Variants in CSMD1 observed in about 807,000 individuals in gnomAD.
CSMD1 encodes CUB and sushi domain-containing protein 1.
In CSMD1, 213 loss-of-function variants were observed where a neutral mutation model predicts 417.5. That is an observed-to-expected ratio of 0.51 (90% CI 0.46 to 0.57). The LOEUF (loss-of-function observed/expected upper bound fraction) is 0.57. Ranked by LOEUF, CSMD1 falls within the 20% of genes least tolerant of loss-of-function variation. CSMD1 has a pLI of 0.00. For missense variants in CSMD1, 6,923 were observed against 4,529.7 expected, an observed-to-expected ratio of 1.53 and a Z score of -15.17; for synonymous variants, 2,862 against 1,736.8, an observed-to-expected ratio of 1.65 and a Z score of -16.11.
At chr8:4,333,323 C>G (rs942686133) in intron 3 of CSMD1, among the ~76,000 whole-genome samples, 1 of 152,042 alleles carries the variant, frequency 6.6e-6, no homozygotes, top group African/African-American at 2.4e-5. Flanking sequence ...ACATCTAGAT[C>G]CGAGAGAGAT....
intron 1 of CSMD1, among the ~76,000 whole-genome samples, chr8:4,720,218 T>C (rs1739106291): frequency 6.6e-6 from 1 of 151,660 alleles, no homozygotes; most frequent in Non-Finnish European, 1.5e-5. Context: ...CCTTGATGTT[T>C]CTTAGTAATA....
chr8:4,236,026 G>GCC (rs1420352173), intron 3 of CSMD1, among the ~76,000 whole-genome samples: 1 of 108,086 alleles, frequency 9.3e-6, no homozygotes, highest in Non-Finnish European at 1.8e-5. Flanking sequence ...AATGGATATT[G>GCC]TTTTTTTTGT....
At chr8:3,438,356 A>C (rs1814710581) in intron 12 of CSMD1, among the ~76,000 whole-genome samples, 2 of 152,176 alleles carry the variant, frequency 1.3e-5, no homozygotes, top group Admixed American at 1.3e-4. Context: ...GAAACAGGTG[A>C]GATACAGAAC....
At position 2,978,762 on chromosome 8, in the gene CSMD1, T is replaced by G; in HGVS notation, c.8416A>C (p.Ile2806Leu). 6.2e-7 allele frequency: 1 copy of G among 1,613,522 alleles called. No homozygotes were observed. Among genetic ancestry groups the G allele is most frequent in the Non-Finnish European group, 8.5e-7 (1 of 1,179,722 alleles). Residue 2806 changes from isoleucine to leucine, a missense_variant, in exon 55 of 70, where the codon ATT becomes CTT. Ile to Leu is a conservative substitution (Grantham distance 5, BLOSUM62 2). Transcript: ENST00000635120. ...CSDPGFVENA[I>L]RHGQQNFPES... ...GGGAAGTTCTGTTGCCCGTGACGAA[T>G]GGCATTTTCCACAAAGCCTGGATCA...
intron 3 of CSMD1, among the ~76,000 whole-genome samples, chr8:4,215,843 C>G (rs540988761): frequency 6.6e-6 from 1 of 152,074 alleles, no homozygotes; most frequent in Non-Finnish European, 1.5e-5. Context: ...ATGGAAAAGG[C>G]AGGGTTTATG....
At chr8:2,959,284 T>A (rs1245886472) in intron 62 of CSMD1, among the ~76,000 whole-genome samples, 1 of 152,154 alleles carries the variant, frequency 6.6e-6, no homozygotes, top group Non-Finnish European at 1.5e-5. Flanking sequence ...TTTGTATTCT[T>A]TGTAGAAATA....
rs993277259 is a variant in CSMD1, at chr8:4,679,622, T to C, written c.86-42064A>G. Among the ~76,000 whole-genome samples the C allele has an allele frequency of 7.2e-5, 11 of 152,284 alleles. No homozygotes were observed. The East Asian group carries it at 1.4e-3, about 19-fold the overall frequency. On this transcript the variant is annotated intron_variant, in intron 1 of 69. Transcript: ENST00000635120. Reference sequence around the variant, plus strand: ...AATCATCGTCCTTCTTTAATGATAATGTATCTACAAAAGATAATATCTTAC... The same window carrying C: ...AATCATCGTCCTTCTTTAATGATAACGTATCTACAAAAGATAATATCTTAC...
intron 1 of CSMD1, among the ~76,000 whole-genome samples, chr8:4,911,467 T>A (rs11784471): frequency 0.26 from 38,863 of 152,108 alleles, 5,552 homozygotes; most frequent in East Asian, 0.52. Flanking sequence ...TTCCATAGGA[T>A]GTGATTAAGG....
At chr8:4,816,180 C>A (rs1261309894) in intron 1 of CSMD1, among the ~76,000 whole-genome samples, 1 of 148,678 alleles carries the variant, frequency 6.7e-6, no homozygotes, top group Non-Finnish European at 1.5e-5. Flanking sequence ...CACTAAATCA[C>A]ACTTGTTATT....
rs539259875 is a variant in CSMD1 at position 4,986,134 on chromosome 8, A to G, written c.85+8198T>C. Among the ~76,000 whole-genome samples, 6 of 152,356 alleles carry G rather than the reference A, an allele frequency of 3.9e-5. No homozygotes were observed. The South Asian group carries it at 6.2e-4, about 16-fold the overall frequency. On this transcript the variant is annotated intron_variant, in intron 1 of 69. Transcript: ENST00000635120. ...AATTGTTGATGGACTTTGAACATTC[A>G]TAAGGCCCATCCTTTGAGATAAAAG...
At chr8:4,026,748 G>A (rs753760944) in intron 4 of CSMD1, among the ~76,000 whole-genome samples, 2 of 152,192 alleles carry the variant, frequency 1.3e-5, no homozygotes, top group Non-Finnish European at 2.9e-5. Flanking sequence ...ACTGTAATAA[G>A]GGGTTGTAAT....
At chr8:3,489,593 C>G (rs1406269065) in intron 11 of CSMD1, among the ~76,000 whole-genome samples, 3 of 152,142 alleles carry the variant, frequency 2.0e-5, no homozygotes, top group Non-Finnish European at 2.9e-5. Context: ...TTCTTTTAAG[C>G]CTGACATTCT....
At chr8:4,560,392 C>A (rs561006276) in intron 2 of CSMD1, among the ~76,000 whole-genome samples, 3 of 152,276 alleles carry the variant, frequency 2.0e-5, no homozygotes, top group African/African-American at 4.8e-5. Flanking sequence ...TGTTCCTAGT[C>A]CTTGCCTTTT....
chr8:3,931,579 G>C (rs1039731086), intron 5 of CSMD1, among the ~76,000 whole-genome samples: 1 of 150,154 alleles, frequency 6.7e-6, no homozygotes, highest in East Asian at 2.0e-4. Context: ...GCAGCAGTCA[G>C]TGCCATGAAT....
chr8:4,550,204 C>G (rs928542052), intron 2 of CSMD1, among the ~76,000 whole-genome samples: 7 of 151,904 alleles, frequency 4.6e-5, no homozygotes, highest in African/African-American at 1.7e-4. Context: ...GCAACTTTCC[C>G]TGTACCTCTT....
intron 2 of CSMD1, among the ~76,000 whole-genome samples, chr8:4,604,413 G>C (rs113429051): frequency 4.6e-5 from 7 of 151,140 alleles, no homozygotes; most frequent in Non-Finnish European, 1.0e-4. Flanking sequence ...GTGTGTGTGC[G>C]CGTGCGTAAA....
At chr8:3,943,060 G>A (rs900488143) in intron 5 of CSMD1, among the ~76,000 whole-genome samples, 3 of 152,018 alleles carry the variant, frequency 2.0e-5, no homozygotes, top group African/African-American at 7.2e-5. Flanking sequence ...GAAGATAAAT[G>A]CAATAAAATC....
chr8:4,887,601 T>C (rs1420431763), intron 1 of CSMD1, among the ~76,000 whole-genome samples: 1 of 152,066 alleles, frequency 6.6e-6, no homozygotes, highest in African/African-American at 2.4e-5. Context: ...CTATTTCTGC[T>C]TTTTAATTCT....
At chr8:4,684,101 A>G (rs545761271) in intron 1 of CSMD1, among the ~76,000 whole-genome samples, 1 of 152,346 alleles carries the variant, frequency 6.6e-6, no homozygotes, top group Non-Finnish European at 1.5e-5. Flanking sequence ...TGTACAAGTG[A>G]AAAAGCATAT....
Sources: allele counts gnomAD v4.1 joint callset (sites outside exome capture counted in the v4.1 genomes callset), GRCh38; gene constraint gnomAD v4.1.1; transcripts MANE v1.5; gene names NCBI Gene and HGNC (gene_info 2026-07-23, HGNC 2026-07-21).